Variants in CEP85L observed in about 807,000 individuals in gnomAD.
The protein encoded by CEP85L is centrosomal protein of 85 kDa-like.
In CEP85L, 60 loss-of-function variants were observed where a neutral mutation model predicts 100.3. The ratio of observed to expected loss-of-function variants is 0.60; its 90% confidence interval spans 0.49 to 0.74. CEP85L has a LOEUF of 0.74. Ranked by LOEUF, CEP85L falls within the 30% of genes least tolerant of loss-of-function variation. The pLI is 0.00. For missense variants in CEP85L, 973 were observed against 936.2 expected, an observed-to-expected ratio of 1.04 and a Z score of -0.51; for synonymous variants, 319 against 322.7, an observed-to-expected ratio of 0.99 and a Z score of 0.12.
chr6:118,589,215 T>C, intron 2 of CEP85L: 1 of 231,746 alleles, frequency 4.3e-6, no homozygotes, highest in Non-Finnish European at 9.6e-6. Flanking sequence ...ATCACCTATG[T>C]GTATATGAAG....
intron 1 of CEP85L, among the ~76,000 whole-genome samples, chr6:118,650,571 T>A (rs986947727): frequency 2.6e-5 from 4 of 152,196 alleles, no homozygotes; most frequent in Admixed American, 1.3e-4. Flanking sequence ...GCCCTCCTCT[T>A]ACGCCGCAGG....
At chr6:118,646,586 T>C (rs1247358560) in intron 1 of CEP85L, among the ~76,000 whole-genome samples, 2 of 151,918 alleles carry the variant, frequency 1.3e-5, no homozygotes, top group African/African-American at 4.8e-5. Flanking sequence ...GGAGAATCGC[T>C]TGAACCCCGG....
intron 3 of CEP85L, among the ~76,000 whole-genome samples, chr6:118,542,073 C>T (rs1241222843): frequency 2.0e-5 from 3 of 152,108 alleles, no homozygotes; most frequent in East Asian, 1.9e-4. Flanking sequence ...GATGGAATCA[C>T]AGTGTTGTTT....
At position 118,559,070 on chromosome 6, in the gene CEP85L, T is replaced by C. The variant is rs1779076744; in HGVS notation, c.1020+6459A>G. ...CTCTTGCTGATCTGTATCATCGTGA[T>C]GCTTCTCTGAAGTTCTGCTACAACC... On this transcript the variant is annotated intron_variant, in intron 3 of 12. Transcript: ENST00000368491. 1 of 1,611,736 alleles carries C rather than the reference T, an allele frequency of 6.2e-7. No homozygotes were observed. The highest frequency in any genetic ancestry group is 8.5e-7 in the Non-Finnish European group (1 of 1,177,798).
chr6:118,627,635 T>C (rs112773418), intron 2 of CEP85L, among the ~76,000 whole-genome samples: 3 of 152,342 alleles, frequency 2.0e-5, no homozygotes, highest in Admixed American at 1.3e-4. Context: ...GACCCCGTCA[T>C]AGGGAGACTA....
chr6:118,702,384 CA>C (rs1239106666), intron 1 of CEP85L, among the ~76,000 whole-genome samples: 20 of 152,002 alleles, frequency 1.3e-4, no homozygotes, highest in Admixed American at 1.3e-4. Context: ...TGGTGATATG[CA>C]CCTGTGGTCC....
chr6:118,674,503 G>A (rs1388698469), intron 1 of CEP85L, among the ~76,000 whole-genome samples: 6 of 151,212 alleles, frequency 4.0e-5, no homozygotes, highest in Admixed American at 1.3e-4. Context: ...CAGCCTGGGC[G>A]GCAGGGTAAG....
Position 118,622,210 on chromosome 6 carries a change from G to T in CEP85L, c.232+10243C>A, listed in dbSNP as rs568874610. Reference sequence around the variant, plus strand: ...TACAAGGAAAGGATCTCACTGTCTGGACTACTCATGATGTAAGTGGCATAT... The same window carrying T: ...TACAAGGAAAGGATCTCACTGTCTGTACTACTCATGATGTAAGTGGCATAT... On this transcript the variant is annotated intron_variant, in intron 2 of 12. Coordinates refer to ENST00000368491, the MANE Select transcript of CEP85L (RefSeq NM_001042475.3). Among the ~76,000 whole-genome samples the T allele has an allele frequency of 2.2e-4, 34 of 152,294 alleles. No individual in the cohort carries two copies. The South Asian group carries it at 6.8e-3, about 31-fold the overall frequency.
intron 1 of CEP85L, among the ~76,000 whole-genome samples, chr6:118,686,569 T>C (rs62422259): frequency 0.22 from 33,436 of 152,128 alleles, 4,791 homozygotes; most frequent in Non-Finnish European, 0.32. Context: ...ATTAAATGGC[T>C]TTCTATTCTG....
chr6:118,668,527 C>A (rs1285881935), intron 1 of CEP85L, among the ~76,000 whole-genome samples: 1 of 152,208 alleles, frequency 6.6e-6, no homozygotes, highest in Non-Finnish European at 1.5e-5. Flanking sequence ...GGGAGGATCA[C>A]TTGAGCCCAG....
chr6:118,641,217 T>C (rs2115351355), intron 1 of CEP85L, among the ~76,000 whole-genome samples: 1 of 152,330 alleles, frequency 6.6e-6, no homozygotes, highest in South Asian at 2.1e-4. Flanking sequence ...CTTACTAGCA[T>C]GTTTACAACT....
At chr6:118,591,344 A>G (rs11153758) in intron 2 of CEP85L, among the ~76,000 whole-genome samples, 107,731 of 151,842 alleles carry the variant, frequency 0.71, 38,921 homozygotes, top group African/African-American at 0.75. Flanking sequence ...GCCCCCTCCC[A>G]CCCTGCCTTT....
chr6:118,646,926 GATTA>G (rs1277419909), intron 1 of CEP85L: 1 of 985,020 alleles, frequency 1.0e-6, no homozygotes, highest in African/African-American at 1.7e-5. Context: ...CTTGGCCTCA[GATTA>G]ATTTACCAGC....
chr6:118,553,928 T>C (rs1778695035), intron 3 of CEP85L, among the ~76,000 whole-genome samples: 1 of 152,194 alleles, frequency 6.6e-6, no homozygotes, highest in Non-Finnish European at 1.5e-5. Flanking sequence ...GAGGAAAATA[T>C]TAGAGCTTAC....
chr6:118,624,451 T>C (rs1773653573), intron 2 of CEP85L, among the ~76,000 whole-genome samples: 1 of 152,106 alleles, frequency 6.6e-6, no homozygotes, highest in Non-Finnish European at 1.5e-5. Context: ...TGACTCCCTT[T>C]ATAAGGATCT....
chr6:118,630,972 C>T (rs1390971997), intron 2 of CEP85L, among the ~76,000 whole-genome samples: 1 of 152,224 alleles, frequency 6.6e-6, no homozygotes, highest in African/African-American at 2.4e-5. Context: ...AAACCAACCA[C>T]CCCACTCCAC....
Position 118,469,218 on chromosome 6 carries a change from T to C in CEP85L, c.2108A>G (p.Lys703Arg). Residue 703 changes from lysine to arginine, a missense_variant, in exon 12 of 13, where the codon AAA (lysine) becomes AGA (arginine). Transcript: ENST00000368491. ...CACAGTCAAATCAAATAGTGGCCGTTTGGAAAGAACTGTCTGCTGCCTAGA... is the reference window on the plus strand; with the variant it reads ...CACAGTCAAATCAAATAGTGGCCGTCTGGAAAGAACTGTCTGCTGCCTAGA... ...DQSRQQTVLS[K>R]RPLFDLTVID... The C allele has an allele frequency of 1.2e-6, 2 of 1,614,080 alleles. No homozygotes were observed. Among genetic ancestry groups the C allele is most frequent in the Non-Finnish European group, 1.7e-6 (2 of 1,179,956 alleles).
intron 2 of CEP85L, among the ~76,000 whole-genome samples, chr6:118,624,907 C>T (rs1583186819): frequency 6.6e-6 from 1 of 152,254 alleles, no homozygotes; most frequent in East Asian, 1.9e-4. Context: ...AGACTCTTGA[C>T]TCTCATTCCC....
intron 5 of CEP85L, chr6:118,502,344 G>T: frequency 3.9e-6 from 2 of 517,356 alleles, no homozygotes; most frequent in Non-Finnish European, 3.6e-6. Context: ...TGAGTTTCTG[G>T]CCCCATGCCA....
Sources: gnomAD v4.1 joint callset for allele counts (sites outside exome capture counted in the v4.1 genomes callset) on GRCh38, gnomAD v4.1.1 for gene constraint, MANE v1.5 for transcripts, NCBI Gene and HGNC (gene_info 2026-07-23, HGNC 2026-07-21) for gene names.